OXR1: variants seen among roughly 807,000 people sequenced by gnomAD.
The protein encoded by OXR1 is oxidation resistance protein 1.
OXR1 carries 41 observed loss-of-function variants against 104.6 expected under a neutral mutation model. The observed-to-expected ratio is 0.39, with a 90% CI of 0.31 to 0.51. The LOEUF (loss-of-function observed/expected upper bound fraction) is 0.51, where lower values mean the gene tolerates loss of function less well. OXR1 is among the 20% of genes least tolerant of loss of function. The pLI is 0.77. For missense variants in OXR1, 955 were observed against 1,031.9 expected, an observed-to-expected ratio of 0.93 and a Z score of 1.02; for synonymous variants, 348 against 348.4, an observed-to-expected ratio of 1.00 and a Z score of 0.01.
intron 3 of OXR1, among the ~76,000 whole-genome samples, chr8:106,675,593 T>C (rs915501851): frequency 6.6e-6 from 1 of 152,218 alleles, no homozygotes; most frequent in Non-Finnish European, 1.5e-5. Context: ...TCAGTTTCCA[T>C]GTAATTGTAT....
chr8:106,571,983 A>T (rs956265926), intron 3 of OXR1, among the ~76,000 whole-genome samples: 3 of 152,138 alleles, frequency 2.0e-5, no homozygotes, highest in Non-Finnish European at 4.4e-5. Flanking sequence ...TGTCACTCCC[A>T]TGACTTGATG....
chr8:106,412,516 C>T (rs1289166155), intron 2 of OXR1, among the ~76,000 whole-genome samples: 6 of 152,206 alleles, frequency 3.9e-5, no homozygotes, highest in African/African-American at 1.4e-4. Context: ...ACAATTCCTA[C>T]GTAAGTATTC....
intron 2 of OXR1, among the ~76,000 whole-genome samples, chr8:106,510,162 C>CT (rs926868599): frequency 2.6e-5 from 4 of 151,958 alleles, no homozygotes; most frequent in African/African-American, 4.8e-5. Context: ...AATATCAAGT[C>CT]TTTTTTTTAG....
At position 106,750,986 on chromosome 8, in the gene OXR1, A is replaced by C; in HGVS notation, c.*45A>C. On this transcript the variant is annotated 3_prime_UTR_variant, in exon 17 of 17. Coordinates refer to ENST00000517566, the MANE Select transcript of OXR1 (RefSeq NM_001198533.2). The stretch of plus-strand genomic sequence containing the variant: ...AGCAGGAGAATGGCCCAAACCTGAC[A>C]TGGACAAGCATTGTTTGGAAAGTTC... 6.8e-7 allele frequency: 1 copy of C among 1,470,986 alleles called. No homozygotes were observed. Among genetic ancestry groups the C allele is most frequent in the Non-Finnish European group, 9.2e-7 (1 of 1,087,074 alleles). 91.1% of individuals were successfully genotyped at this position (1,470,986 alleles called of 1,614,324 possible). A position where few individuals can be genotyped will look rare whatever the true frequency, so the allele number is the denominator to read the frequency against.
At chr8:106,661,196 C>CA (rs936832844) in intron 3 of OXR1, among the ~76,000 whole-genome samples, 2 of 151,554 alleles carry the variant, frequency 1.3e-5, no homozygotes, top group South Asian at 2.1e-4. Context: ...AAACCAAAAC[C>CA]AAAAAAAACT....
At chr8:106,508,498 G>A (rs1049063788) in intron 2 of OXR1, among the ~76,000 whole-genome samples, 9 of 152,098 alleles carry the variant, frequency 5.9e-5, no homozygotes, top group Non-Finnish European at 8.8e-5. Flanking sequence ...AGAGGATGTG[G>A]CATGCCCTGT....
chr8:106,352,012 A>C (rs1265105935), intron 1 of OXR1, among the ~76,000 whole-genome samples: 1 of 151,988 alleles, frequency 6.6e-6, no homozygotes, highest in Non-Finnish European at 1.5e-5. Context: ...CTGCCTCTCT[A>C]CTCTGCAGTT....
At chr8:106,683,984 C>T (rs1437366702) in intron 5 of OXR1, among the ~76,000 whole-genome samples, 1 of 152,040 alleles carries the variant, frequency 6.6e-6, no homozygotes, top group African/African-American at 2.4e-5. Context: ...CTAGCTATTG[C>T]CAAATTGTCC....
chr8:106,359,555 C>G lies in OXR1; in HGVS notation c.-59C>G. The G allele has an allele frequency of 1.4e-6, 2 of 1,418,420 alleles. No homozygotes were observed. Among genetic ancestry groups the G allele is most frequent in the Non-Finnish European group, 2.0e-6 (2 of 1,025,294 alleles). The allele number at this position is 1,418,420 out of a possible 1,614,324, so 87.9% of individuals were successfully genotyped here. A position where few individuals can be genotyped will look rare whatever the true frequency, so the allele number is the denominator to read the frequency against. On this transcript the variant is annotated 5_prime_UTR_variant, in exon 2 of 17. Coordinates refer to ENST00000517566, the MANE Select transcript of OXR1 (RefSeq NM_001198533.2). ...CTAAAATTTTTAGCGGTGTTGTCGA[C>G]TTGACCTGCTAATTTCCTGTTCTGG...
At chr8:106,700,974 T>C (rs575927984) in intron 7 of OXR1, among the ~76,000 whole-genome samples, 12 of 151,164 alleles carry the variant, frequency 7.9e-5, no homozygotes, top group African/African-American at 2.7e-4. Context: ...TTTAAAGTTG[T>C]TTTTTTTTAA....
intron 7 of OXR1, among the ~76,000 whole-genome samples, chr8:106,701,670 C>T (rs1343198550): frequency 6.6e-6 from 1 of 152,024 alleles, no homozygotes; most frequent in African/African-American, 2.4e-5. Context: ...GACTTGGATA[C>T]AGAGGAATTA....
chr8:106,599,633 G>A (rs1819801971), intron 3 of OXR1, among the ~76,000 whole-genome samples: 1 of 152,186 alleles, frequency 6.6e-6, no homozygotes, highest in Non-Finnish European at 1.5e-5. Flanking sequence ...GAATGTCAAG[G>A]ATAAAGCGTA....
chr8:106,472,394 G>T (rs1296463227), intron 2 of OXR1, among the ~76,000 whole-genome samples: 1 of 151,758 alleles, frequency 6.6e-6, no homozygotes, highest in African/African-American at 2.4e-5. Context: ...AAAAATGCTT[G>T]AGAGTATGAA....
intron 2 of OXR1, among the ~76,000 whole-genome samples, chr8:106,455,968 A>G (rs953814052): frequency 6.6e-6 from 1 of 152,230 alleles, no homozygotes; most frequent in African/African-American, 2.4e-5. Flanking sequence ...ACATTTTTAT[A>G]ACTAGTTTTT....
chr8:106,671,713 C>T (rs562739472), intron 3 of OXR1, among the ~76,000 whole-genome samples: 3 of 150,132 alleles, frequency 2.0e-5, no homozygotes, highest in African/African-American at 7.4e-5. Context: ...CAAACTATCA[C>T]AAGGACAGAA....
At chr8:106,301,084 G>T (rs1184460002) in intron 1 of OXR1, among the ~76,000 whole-genome samples, 1 of 152,154 alleles carries the variant, frequency 6.6e-6, no homozygotes, top group Non-Finnish European at 1.5e-5. Flanking sequence ...AAAAGATGCG[G>T]CTATAAACCA....
At chr8:106,716,139 T>C (rs1361497067) in intron 11 of OXR1, among the ~76,000 whole-genome samples, 1 of 152,214 alleles carries the variant, frequency 6.6e-6, no homozygotes, top group African/African-American at 2.4e-5. Context: ...CAACTGTAAA[T>C]TTCATGAAAT....
chr8:106,272,064 G>A (rs1250849831), intron 1 of OXR1: 2 of 152,186 alleles, frequency 1.3e-5, no homozygotes, highest in African/African-American at 2.4e-5. Context: ...TCTCTGGTGG[G>A]GGCCTCCCTG....
chr8:106,568,413 C>G (rs1028000890), intron 3 of OXR1, among the ~76,000 whole-genome samples: 1 of 152,014 alleles, frequency 6.6e-6, no homozygotes, highest in Non-Finnish European at 1.5e-5. Context: ...TCTATGAAAC[C>G]TTCCATCCTC....
Sources: allele counts gnomAD v4.1 joint callset (sites outside exome capture counted in the v4.1 genomes callset), GRCh38; gene constraint gnomAD v4.1.1; transcripts MANE v1.5; gene names NCBI Gene and HGNC (gene_info 2026-07-23, HGNC 2026-07-21).